Variants in ALK observed in about 807,000 individuals in gnomAD.
The protein encoded by ALK is ALK tyrosine kinase receptor.
In ALK, 74 loss-of-function variants were observed where a neutral mutation model predicts 163.1. The observed-to-expected ratio is 0.45, with a 90% confidence interval of 0.38 to 0.55. The LOEUF is 0.55. ALK is among the 20% of genes least tolerant of loss of function. ALK has a pLI of 0.00. For missense variants in ALK, 2,063 were observed against 2,105.3 expected (o/e 0.98, Z 0.39); for synonymous variants, 960 against 843.2 (o/e 1.14, Z -2.40).
chr2:29,700,581 C>A (rs1678704322), intron 2 of ALK, among the ~76,000 whole-genome samples: 1 of 152,128 alleles, frequency 6.6e-6, no homozygotes, highest in Admixed American at 6.5e-5. Context: ...GAGTTTTGCA[C>A]ATAATAGTTG....
In ALK at chr2:29,921,244, C is replaced by T. The variant is rs1667996690; in HGVS notation, c.-585G>A. The T allele has an allele frequency of 4.3e-6, 1 of 233,778 alleles. No homozygotes were observed. The highest frequency in any genetic ancestry group is 2.2e-5 in the African/African-American group (1 of 45,374). The allele number at this position is 233,778 out of a possible 1,614,324, so 14.5% of individuals were successfully genotyped here. A position where few individuals can be genotyped will look rare whatever the true frequency, so the allele number is the denominator to read the frequency against. Reference sequence around the variant, plus strand: ...TGCGCACCCTCAAGCTATCTCTCCGCTGCGGGAAGGCTTCGGACTGTCTGC... The same window carrying T: ...TGCGCACCCTCAAGCTATCTCTCCGTTGCGGGAAGGCTTCGGACTGTCTGC... On this transcript the variant is annotated 5_prime_UTR_variant, in exon 1 of 29. Transcript: ENST00000389048.
chr2:29,825,465 G>C (rs937882999), intron 1 of ALK, among the ~76,000 whole-genome samples: 3 of 152,180 alleles, frequency 2.0e-5, no homozygotes, highest in African/African-American at 7.2e-5. Context: ...TATGTAAAGA[G>C]CCAGAGGAAT....
At chr2:29,818,219 A>G (rs1664950233) in intron 1 of ALK, among the ~76,000 whole-genome samples, 1 of 152,170 alleles carries the variant, frequency 6.6e-6, no homozygotes, top group Admixed American at 6.5e-5. Context: ...AAACACCTGC[A>G]TGGATGTCAC....
At chr2:29,422,913 G>GT (rs59625011) in intron 4 of ALK, among the ~76,000 whole-genome samples, 18,868 of 138,538 alleles carry the variant, frequency 0.14, 1,348 homozygotes, top group African/African-American at 0.19. Flanking sequence ...CACTTGATAT[G>GT]TTTTTTTTTT....
intron 1 of ALK, among the ~76,000 whole-genome samples, chr2:29,795,250 G>T (rs564003838): frequency 6.6e-6 from 1 of 152,016 alleles, no homozygotes; most frequent in African/African-American, 2.4e-5. Flanking sequence ...GGTAAGCAAA[G>T]AATTGTAATT....
intron 3 of ALK, among the ~76,000 whole-genome samples, chr2:29,681,596 A>G (rs1018230791): frequency 1.1e-4 from 16 of 152,180 alleles, no homozygotes; most frequent in African/African-American, 3.6e-4. Context: ...GATTGGCTAA[A>G]AGGCTGTGGC....
intron 4 of ALK, among the ~76,000 whole-genome samples, chr2:29,496,364 A>T (rs1672023313): frequency 6.6e-6 from 1 of 152,176 alleles, no homozygotes; most frequent in South Asian, 2.1e-4. Flanking sequence ...GAACTAATAC[A>T]GACAAACTAG....
chr2:29,768,115 G>T (rs1432855560), intron 1 of ALK, among the ~76,000 whole-genome samples: 1 of 152,166 alleles, frequency 6.6e-6, no homozygotes, highest in Non-Finnish European at 1.5e-5. Flanking sequence ...AATTTTCATG[G>T]CTTAGAGATC....
intron 3 of ALK, among the ~76,000 whole-genome samples, chr2:29,686,942 T>C (rs1004162569): frequency 6.6e-6 from 1 of 152,104 alleles, no homozygotes; most frequent in Non-Finnish European, 1.5e-5. Context: ...AGGGTCCAGA[T>C]CTAAGGGCCA....
intron 1 of ALK, among the ~76,000 whole-genome samples, chr2:29,856,191 GCTCT>G (rs1257937704): frequency 1.3e-5 from 2 of 152,156 alleles, no homozygotes; most frequent in South Asian, 4.1e-4. Context: ...TTGAATTTTA[GCTCT>G]CTTGCTTTAC....
At chr2:29,354,704 T>C (rs947767875) in intron 5 of ALK, among the ~76,000 whole-genome samples, 2 of 152,104 alleles carry the variant, frequency 1.3e-5, no homozygotes, top group Non-Finnish European at 2.9e-5. Context: ...TCCTGGCACA[T>C]GTAGCTTTCT....
intron 1 of ALK, among the ~76,000 whole-genome samples, chr2:29,742,982 G>A (rs962395318): frequency 6.6e-6 from 1 of 152,146 alleles, no homozygotes; most frequent in Admixed American, 6.5e-5. Flanking sequence ...TCACAATAAT[G>A]GCCAGGCTCT....
chr2:29,499,140 C>T (rs1180232185), intron 4 of ALK, among the ~76,000 whole-genome samples: 17 of 152,156 alleles, frequency 1.1e-4, no homozygotes, highest in Non-Finnish European at 1.5e-5. Context: ...ACGTTCCTCA[C>T]CCCGGTTTTG....
chr2:29,492,256 G>A (rs1050242798), intron 4 of ALK, among the ~76,000 whole-genome samples: 3 of 152,108 alleles, frequency 2.0e-5, no homozygotes, highest in Non-Finnish European at 4.4e-5. Context: ...TCTTTAGGCT[G>A]TGTCTTGCTG....
chr2:29,689,368 G>T (rs539178457), intron 3 of ALK, among the ~76,000 whole-genome samples: 2 of 152,284 alleles, frequency 1.3e-5, no homozygotes, highest in African/African-American at 2.4e-5. Context: ...GAATTTTCCC[G>T]CAAAGTCTGC....
intron 1 of ALK, among the ~76,000 whole-genome samples, chr2:29,834,832 T>G (rs953683971): frequency 3.3e-5 from 5 of 152,230 alleles, no homozygotes; most frequent in Non-Finnish European, 7.3e-5. Context: ...TTTCCTGATC[T>G]GCCTTCAGCA....
intron 3 of ALK, among the ~76,000 whole-genome samples, chr2:29,577,528 G>A (rs916945080): frequency 6.6e-6 from 1 of 152,170 alleles, no homozygotes; most frequent in African/African-American, 2.4e-5. Context: ...AAGTCTACAC[G>A]GAGGAGATCT....
chr2:29,847,892 T>C (rs6712209), intron 1 of ALK, among the ~76,000 whole-genome samples: 18,708 of 144,696 alleles, frequency 0.13, 1,449 homozygotes, highest in South Asian at 0.24. Flanking sequence ...AGGATGAGGG[T>C]GGGGGAGGTG....
intron 4 of ALK, among the ~76,000 whole-genome samples, chr2:29,425,643 C>A (rs1429942663): frequency 4.6e-5 from 7 of 152,160 alleles, no homozygotes; most frequent in Admixed American, 3.9e-4. Context: ...GGGTGTCACT[C>A]TAAGAAAAGT....
Sources: allele counts gnomAD v4.1 joint callset (sites outside exome capture counted in the v4.1 genomes callset), GRCh38; gene constraint gnomAD v4.1.1; transcripts MANE v1.5; gene names NCBI Gene and HGNC (gene_info 2026-07-23, HGNC 2026-07-21).